UNC13B: variants seen among roughly 807,000 people sequenced by gnomAD.
UNC13B encodes the protein unc-13 homolog B.
UNC13B carries 144 observed loss-of-function variants against 211.0 expected under a neutral mutation model. That is an observed-to-expected ratio of 0.68 (90% CI 0.60 to 0.78). The LOEUF is 0.78. Among genes scored for constraint, UNC13B ranks in the 30% least tolerant of loss-of-function variants. The pLI is 0.00. For synonymous variants in UNC13B, 709 were observed against 725.8 expected (o/e 0.98, Z 0.37); for missense variants, 1,777 against 2,002.0 (o/e 0.89, Z 2.14).
At chr9:35,165,563 G>A (rs1051675712) in intron 1 of UNC13B, among the ~76,000 whole-genome samples, 8 of 151,690 alleles carry the variant, frequency 5.3e-5, no homozygotes, top group Admixed American at 2.0e-4. Flanking sequence ...GATTACAGGC[G>A]CCTGCCACCA....
chr9:35,292,769 A>G (rs1189467269), intron 7 of UNC13B, among the ~76,000 whole-genome samples: 2 of 152,144 alleles, frequency 1.3e-5, no homozygotes, highest in Non-Finnish European at 2.9e-5. Flanking sequence ...CCATCTTTCA[A>G]ATAGACTTTA....
chr9:35,303,195 C>G lies in UNC13B; in HGVS notation c.3791C>G (p.Ala1264Gly), dbSNP rs752098445. The change falls in exon 9 of 40, where the codon GCT (alanine) becomes GGT (glycine). Residue 1264 changes from alanine to glycine, a missense_variant. Transcript: ENST00000635942. ...AAAGAAAACATACCATTATCTGATG[C>G]TGGGGATGATAATCATTATTGTTCC... is the stretch of plus-strand genomic sequence containing the variant. ...LPKENIPLSD[A>G]GDDNHYCSPT... 3.0e-4 allele frequency: 119 copies of G among 398,682 alleles called. No individual in the cohort carries two copies. Among genetic ancestry groups the G allele is most frequent in the Middle Eastern group, 1.9e-3 (3 of 1,588 alleles). The allele number at this position is 398,682 out of a possible 1,614,324, so 24.7% of individuals were successfully genotyped here. A position where few individuals can be genotyped will look rare whatever the true frequency, so the allele number is the denominator to read the frequency against.
At chr9:35,178,656 C>T (rs971469793) in intron 1 of UNC13B, among the ~76,000 whole-genome samples, 3 of 151,592 alleles carry the variant, frequency 2.0e-5, no homozygotes, top group Admixed American at 6.6e-5. Context: ...TTTGGGAGGC[C>T]GAGGCGGGTG....
intron 6 of UNC13B, among the ~76,000 whole-genome samples, chr9:35,245,061 T>C (rs1157287249): frequency 6.6e-6 from 1 of 150,596 alleles, no homozygotes; most frequent in African/African-American, 2.4e-5. Flanking sequence ...TATCTTTGCA[T>C]GTACTTTACT....
chr9:35,167,136 C>T (rs1271251040), intron 1 of UNC13B, among the ~76,000 whole-genome samples: 6 of 151,938 alleles, frequency 3.9e-5, no homozygotes, highest in Non-Finnish European at 7.4e-5. Context: ...AGTGCAGTGG[C>T]GCGATCTCAG....
chr9:35,335,975 T>C (rs1233676313), intron 11 of UNC13B, among the ~76,000 whole-genome samples: 5 of 152,180 alleles, frequency 3.3e-5, no homozygotes, highest in Admixed American at 6.5e-5. Context: ...AGTGGTGGGA[T>C]TACAGGCCTG....
chr9:35,396,360 A>T (rs1835874962), intron 26 of UNC13B, 116 bp from the exon 27 acceptor site: 1 of 1,343,722 alleles, frequency 7.4e-7, no homozygotes, highest in Admixed American at 2.0e-5. Context: ...GTTGGGAGTC[A>T]CCCTTGTCCT....
At chr9:35,165,126 A>G (rs1213761859) in intron 1 of UNC13B, among the ~76,000 whole-genome samples, 1 of 152,254 alleles carries the variant, frequency 6.6e-6, no homozygotes, top group African/African-American at 2.4e-5. Flanking sequence ...AGAAGATTTA[A>G]GAGGAAGAGG....
chr9:35,270,770 A>G (rs1827830405), intron 7 of UNC13B, among the ~76,000 whole-genome samples: 1 of 152,134 alleles, frequency 6.6e-6, no homozygotes, highest in Non-Finnish European at 1.5e-5. Flanking sequence ...CACACATTGC[A>G]TTTGTATGTG....
intron 1 of UNC13B, among the ~76,000 whole-genome samples, chr9:35,214,263 A>G (rs1449770335): frequency 6.6e-6 from 1 of 152,122 alleles, no homozygotes; most frequent in Non-Finnish European, 1.5e-5. Flanking sequence ...CCCCTTTTCT[A>G]CTAAAAATAC....
intron 5 of UNC13B, among the ~76,000 whole-genome samples, chr9:35,241,601 A>T (rs771741285): frequency 9.1e-6 from 1 of 109,352 alleles, no homozygotes. Flanking sequence ...ACACACCACC[A>T]TCTTCTTTTT....
chr9:35,352,333 T>A (rs1832768796), intron 11 of UNC13B: 1 of 1,232,186 alleles, frequency 8.1e-7, no homozygotes, highest in East Asian at 3.2e-5. Context: ...CCCCTTCCCC[T>A]AGGCCCACTG....
Position 35,404,024 on chromosome 9 carries a change from G to T in UNC13B, c.13014G>T (p.Glu4338Asp), listed in dbSNP as rs759037637. ...AATCAGAGTCTCGTTCCACGGAGGA[G>T]GGGAGCTGAACACCTTCGACTCCTG... ...KLKSESRSTE[E>D]GS The change falls in exon 40 of 40, where the codon GAG becomes GAT. Residue 4338 changes from glutamate (E) to aspartate (D), a missense_variant. Coordinates refer to ENST00000635942, the MANE Select transcript of UNC13B (RefSeq NM_001371189.2). 6.2e-6 allele frequency: 10 copies of T among 1,612,772 alleles called. No individual in the cohort carries two copies. The highest frequency in any genetic ancestry group is 8.5e-6 in the Non-Finnish European group (10 of 1,179,752).
At chr9:35,390,116 G>A in intron 25 of UNC13B, 143 bp downstream of exon 25, 1 of 1,447,112 alleles carries the variant, frequency 6.9e-7, no homozygotes, top group Non-Finnish European at 9.3e-7. Context: ...CCTTGTATCT[G>A]TCTGGGTAAC....
rs769506186 is a variant in UNC13B, at chr9:35,306,248, G to A, written c.6844G>A (p.Ala2282Thr). The A allele has an allele frequency of 5.0e-6, 2 of 398,986 alleles. No homozygotes were observed. The highest frequency in any genetic ancestry group is 4.4e-6 in the Non-Finnish European group (1 of 226,056). 24.7% of individuals were successfully genotyped at this position (398,986 alleles called of 1,614,324 possible). Residue 2282 changes from alanine (A) to threonine (T), a missense_variant, in exon 9 of 40, where the codon GCA becomes ACA. Ala to Thr is a moderately conservative substitution (Grantham distance 58, BLOSUM62 0). Coordinates refer to ENST00000635942, the MANE Select transcript of UNC13B (RefSeq NM_001371189.2). ...AGAAGTAGTTCATGAACAGCAAATG[G>A]CACCTTGTATTTCCATTAACAACAC... ...AQEVVHEQQMAPCISINNTIE... is the reference protein window; with the variant it reads ...AQEVVHEQQMTPCISINNTIE...
intron 11 of UNC13B, among the ~76,000 whole-genome samples, chr9:35,329,010 A>G (rs1831214350): frequency 6.6e-6 from 1 of 151,702 alleles, no homozygotes; most frequent in South Asian, 2.1e-4. Context: ...TGACCTTGTG[A>G]TCCGCCCACC....
chr9:35,162,164 C>A lies in UNC13B; in HGVS notation c.-120C>A. 1 of 1,445,708 alleles carries A rather than the reference C, an allele frequency of 6.9e-7. No homozygotes were observed. The highest frequency in any genetic ancestry group is 9.4e-7 in the Non-Finnish European group (1 of 1,066,298). 89.6% of individuals were successfully genotyped at this position (1,445,708 alleles called of 1,614,324 possible). ...GCGGGACGCTACCTGCGACCGGGAC[C>A]ATGAGGAGCTGCCAGACCCGTGGGG... On this transcript the variant is annotated 5_prime_UTR_variant, in exon 1 of 40. Transcript: ENST00000635942.
intron 11 of UNC13B, among the ~76,000 whole-genome samples, chr9:35,339,861 A>G (rs762398461): frequency 3.3e-5 from 5 of 152,226 alleles, no homozygotes; most frequent in Non-Finnish European, 5.9e-5. Flanking sequence ...CACTTTGTCA[A>G]TTAGGCAGGA....
chr9:35,309,562 C>T (rs1830086066), intron 9 of UNC13B, among the ~76,000 whole-genome samples: 1 of 152,206 alleles, frequency 6.6e-6, no homozygotes, highest in Non-Finnish European at 1.5e-5. Context: ...AGATACTGCT[C>T]TTCTTTCCAC....
Sources: allele counts gnomAD v4.1 joint callset (sites outside exome capture counted in the v4.1 genomes callset), GRCh38; gene constraint gnomAD v4.1.1; transcripts MANE v1.5; gene names NCBI Gene and HGNC (gene_info 2026-07-23, HGNC 2026-07-21).